Variants in RALGAPA1 observed in about 807,000 individuals in gnomAD.
RALGAPA1 encodes the protein Ral GTPase activating protein catalytic subunit alpha 1, also known as ral GTPase-activating protein subunit alpha-1.
In RALGAPA1, 52 loss-of-function variants were observed where a neutral mutation model predicts 269.6. That is an observed-to-expected ratio of 0.19 (90% confidence interval 0.15 to 0.24). The LOEUF (loss-of-function observed/expected upper bound fraction) is 0.24. RALGAPA1 is among the 10% of genes least tolerant of loss of function. The probability of loss-of-function intolerance (pLI) is 1.00; values close to 1 mark genes in which losing one functional copy is unlikely to be tolerated. For missense variants in RALGAPA1, 1,917 were observed against 3,013.9 expected (o/e 0.64, Z 8.52); for synonymous variants, 817 against 1,008.3 (o/e 0.81, Z 3.60).
rs760162970 is a variant in RALGAPA1 at position 35,700,264 on chromosome 14, A to T, written c.2305T>A (p.Ser769Thr). ...CTTTTAGCACTGCGTATATAGGCCG[A>T]TGGCAGAGCACATTCACCAATGGAT... ...SRSIGECALP[S>T]AYIRSAKSAP... Residue 769 changes from serine to threonine, a missense_variant, in exon 17 of 42, where the codon TCG becomes ACG. Physicochemically the swap from Ser to Thr is moderately conservative, Grantham distance 58. Transcript: ENST00000680220. The T allele has an allele frequency of 6.5e-7, 1 of 1,533,304 alleles. No individual in the cohort carries two copies. The highest frequency in any genetic ancestry group is 1.2e-5 in the South Asian group (1 of 83,512). The allele number at this position is 1,533,304 out of a possible 1,614,324, so 95.0% of individuals were successfully genotyped here.
chr14:35,600,551 T>C (rs1790097530), intron 36 of RALGAPA1, among the ~76,000 whole-genome samples: 1 of 152,164 alleles, frequency 6.6e-6, no homozygotes, highest in Non-Finnish European at 1.5e-5. Flanking sequence ...TTCTGTGCTG[T>C]TTAGGCTGTT....
At chr14:35,807,786 A>T (rs1440798523) in intron 1 of RALGAPA1, 1 of 152,238 alleles carries the variant, frequency 6.6e-6, no homozygotes, top group Non-Finnish European at 1.5e-5. Flanking sequence ...CACTAAATAA[A>T]CATCACTTTC....
chr14:35,673,475 C>A (rs534435315), intron 24 of RALGAPA1, among the ~76,000 whole-genome samples: 1 of 152,284 alleles, frequency 6.6e-6, no homozygotes, highest in African/African-American at 2.4e-5. Flanking sequence ...GGGAGGATTG[C>A]TTGAGCCCAG....
Position 35,683,909 on chromosome 14 carries a change from A to T in RALGAPA1, c.4371T>A (p.Ala1457=), listed in dbSNP as rs780246171. 2 of 1,613,612 alleles carry T rather than the reference A, an allele frequency of 1.2e-6. No individual in the cohort carries two copies. Among genetic ancestry groups the T allele is most frequent in the Non-Finnish European group, 1.7e-6 (2 of 1,179,690 alleles). ...TTAGACTAGCCACTTCCTGCTCTTC[A>T]GCACTCTGATGATGGCCAGAACCTG... The part of the protein sequence containing the change: ...VDSGSGHHQS[A]EEQEVASLTT... Residue 1457 remains alanine, a synonymous_variant, in exon 21 of 42, where the codon GCT becomes GCA. Coordinates refer to ENST00000680220, the MANE Select transcript of RALGAPA1 (RefSeq NM_001346249.2).
At chr14:35,643,822 A>T (rs1263287702) in intron 31 of RALGAPA1, among the ~76,000 whole-genome samples, 1 of 152,174 alleles carries the variant, frequency 6.6e-6, no homozygotes, top group East Asian at 1.9e-4. Context: ...TATCTGTGGG[A>T]GATAAATATG....
intron 26 of RALGAPA1, among the ~76,000 whole-genome samples, chr14:35,671,135 T>G (rs2140240004): frequency 6.6e-6 from 1 of 152,302 alleles, no homozygotes; most frequent in East Asian, 1.9e-4. Context: ...AGCCCATTGC[T>G]CTTTCTTTGC....
At chr14:35,745,911 G>C (rs1170030510) in intron 10 of RALGAPA1, among the ~76,000 whole-genome samples, 1 of 151,696 alleles carries the variant, frequency 6.6e-6, no homozygotes, top group East Asian at 1.9e-4. Context: ...ATTATAGCGA[G>C]AACCCCTCTC....
At chr14:35,771,301 G>A (rs2074599011) in intron 3 of RALGAPA1, among the ~76,000 whole-genome samples, 1 of 152,126 alleles carries the variant, frequency 6.6e-6, no homozygotes, top group Non-Finnish European at 1.5e-5. Flanking sequence ...GGCTGAGGCA[G>A]GAGAATCGCT....
intron 41 of RALGAPA1, among the ~76,000 whole-genome samples, chr14:35,544,361 T>C (rs2054272711): frequency 6.6e-6 from 1 of 152,202 alleles, no homozygotes; most frequent in African/African-American, 2.4e-5. Context: ...AATGGGTAAC[T>C]GTAATAGTTA....
chr14:35,565,715 T>G lies in RALGAPA1; in HGVS notation c.7496+4902A>C, dbSNP rs188519029. Among the ~76,000 whole-genome samples, 236 of 152,292 alleles carry G rather than the reference T, an allele frequency of 1.5e-3. 1 individual carries two copies. The highest frequency in any genetic ancestry group is 5.4e-3 in the African/African-American group (224 of 41,564). On this transcript the variant is annotated intron_variant, in intron 39 of 41. Transcript: ENST00000680220. The stretch of plus-strand genomic sequence containing the variant: ...GAGAACCCTCACTACTACAACATGA[T>G]TATATATTGTAAATTCTGCAAATTT...
chr14:35,590,015 C>T (rs1353046579), intron 37 of RALGAPA1, among the ~76,000 whole-genome samples: 2 of 152,160 alleles, frequency 1.3e-5, no homozygotes, highest in African/African-American at 4.8e-5. Context: ...TTACACTATA[C>T]TTATAACTGT....
At chr14:35,772,973 G>A (rs1158994783) in intron 3 of RALGAPA1, among the ~76,000 whole-genome samples, 1 of 152,110 alleles carries the variant, frequency 6.6e-6, no homozygotes, top group Non-Finnish European at 1.5e-5. Flanking sequence ...GGTCCCACAT[G>A]AGACACATAA....
At chr14:35,606,289 C>CTA (rs533491784) in intron 35 of RALGAPA1, among the ~76,000 whole-genome samples, 86 of 152,258 alleles carry the variant, frequency 5.6e-4, no homozygotes, top group African/African-American at 2.0e-3. Context: ...ATGGTACAGC[C>CTA]TACTACACAA....
chr14:35,802,943 C>T (rs961384640), intron 1 of RALGAPA1, among the ~76,000 whole-genome samples: 1 of 152,088 alleles, frequency 6.6e-6, no homozygotes, highest in Non-Finnish European at 1.5e-5. Context: ...CCACCTGAGC[C>T]TCCCAAAGTG....
chr14:35,689,436 G>A lies in RALGAPA1; in HGVS notation c.2975C>T (p.Ser992Leu). 7 of 1,232,218 alleles carry A rather than the reference G, an allele frequency of 5.7e-6. No individual in the cohort carries two copies. Among genetic ancestry groups the A allele is most frequent in the Non-Finnish European group, 7.1e-6 (7 of 988,040 alleles). 76.3% of individuals were successfully genotyped at this position (1,232,218 alleles called of 1,614,324 possible). A position where few individuals can be genotyped will look rare whatever the true frequency, so the allele number is the denominator to read the frequency against. Residue 992 changes from serine (S) to leucine (L), a missense_variant, in exon 18 of 42, where the codon TCA becomes TTA. Physicochemically the swap from Ser to Leu is moderately radical, Grantham distance 145. This residue lies in a region of RALGAPA1 where 615 missense variants were observed against 790.0 expected (regional missense o/e 0.78). Coordinates refer to ENST00000680220, the MANE Select transcript of RALGAPA1 (RefSeq NM_001346249.2). ...KLECTDQETESENITSFVGTP... is the reference protein window; with the variant it reads ...KLECTDQETELENITSFVGTP... ...CCCAACAAAAGAGGTGATATTTTCT[G>A]ATTCAGTTTCCTGATCTGTGCATTC... is the stretch of plus-strand genomic sequence containing the variant.
intron 22 of RALGAPA1, 57 bp from the exon 23 acceptor site, chr14:35,674,766 C>T: frequency 1.4e-6 from 1 of 736,374 alleles, no homozygotes; most frequent in Non-Finnish European, 2.2e-6. Flanking sequence ...CATAAAACCC[C>T]CCAAGAAACC....
At chr14:35,782,776 G>T (rs2075538079) in intron 1 of RALGAPA1, among the ~76,000 whole-genome samples, 1 of 151,748 alleles carries the variant, frequency 6.6e-6, no homozygotes, top group African/African-American at 2.4e-5. Context: ...AAACTGACAA[G>T]CTAATCCTAA....
intron 29 of RALGAPA1, among the ~76,000 whole-genome samples, chr14:35,654,938 G>A (rs2063078011): frequency 6.6e-6 from 1 of 152,074 alleles, no homozygotes; most frequent in Non-Finnish European, 1.5e-5. Flanking sequence ...ACCCCAATGT[G>A]TCTCCTCTTT....
At chr14:35,744,411 T>A (rs1222006452) in intron 10 of RALGAPA1, among the ~76,000 whole-genome samples, 2 of 152,132 alleles carry the variant, frequency 1.3e-5, no homozygotes, top group Admixed American at 1.3e-4. Context: ...TACTTTTTAT[T>A]TTTTTATGAT....
Sources: allele counts gnomAD v4.1 joint callset (sites outside exome capture counted in the v4.1 genomes callset), GRCh38; gene constraint gnomAD v4.1.1; regional missense constraint gnomAD v4.1.1; transcripts MANE v1.5; gene names NCBI Gene and HGNC (gene_info 2026-07-23, HGNC 2026-07-21).